The following PLEKHM3 variants were observed in gnomAD, a reference collection of about 807,000 sequenced individuals.
PLEKHM3 encodes pleckstrin homology domain containing M3.
Under a neutral mutation model 81.8 loss-of-function variants are expected in PLEKHM3, and 45 were observed. The observed-to-expected ratio is 0.55, with a 90% confidence interval of 0.43 to 0.71. PLEKHM3 has a LOEUF of 0.71. PLEKHM3 is among the 30% of genes least tolerant of loss of function. The pLI, the probability that PLEKHM3 is intolerant of heterozygous loss-of-function variation, is 0.00. For synonymous variants in PLEKHM3, 352 were observed against 356.4 expected (o/e 0.99, Z 0.14); for missense variants, 788 against 924.3 (o/e 0.85, Z 1.91).
At chr2:208,011,306 C>T (rs982701487) in intron 1 of PLEKHM3, among the ~76,000 whole-genome samples, 6 of 152,080 alleles carry the variant, frequency 3.9e-5, no homozygotes, top group Non-Finnish European at 8.8e-5. Flanking sequence ...TATCGTAGCA[C>T]AATTTGCAGC....
intron 6 of PLEKHM3, among the ~76,000 whole-genome samples, chr2:207,862,949 G>A (rs2092475337): frequency 6.6e-6 from 1 of 152,192 alleles, no homozygotes; most frequent in Non-Finnish European, 1.5e-5. Context: ...GCCAAGGCTA[G>A]GCTTTGGGTC....
intron 7 of PLEKHM3, among the ~76,000 whole-genome samples, chr2:207,839,840 T>C (rs995761858): frequency 6.6e-6 from 1 of 152,094 alleles, no homozygotes; most frequent in Non-Finnish European, 1.5e-5. Flanking sequence ...AGTAGGAAGA[T>C]TGCTTGAGAC....
intron 2 of PLEKHM3, 32 bp downstream of exon 2, chr2:208,000,998 A>G (rs1309229231): frequency 4.1e-6 from 6 of 1,460,488 alleles, no homozygotes; most frequent in Non-Finnish European, 5.4e-6. Flanking sequence ...GAAAAAAAAA[A>G]AAAAGGAAAT....
chr2:207,920,585 A>G (rs1689147688), intron 5 of PLEKHM3, among the ~76,000 whole-genome samples: 1 of 152,182 alleles, frequency 6.6e-6, no homozygotes, highest in African/African-American at 2.4e-5. Context: ...GAGAGAAAAA[A>G]AAATGTAGAA....
chr2:207,876,916 A>G (rs563443497), intron 6 of PLEKHM3, among the ~76,000 whole-genome samples: 11 of 152,314 alleles, frequency 7.2e-5, no homozygotes, highest in African/African-American at 2.6e-4. Context: ...CAGTATTGGT[A>G]TCAGATTTTT....
At chr2:207,890,497 G>T (rs6742548) in intron 6 of PLEKHM3, among the ~76,000 whole-genome samples, 3,614 of 152,168 alleles carry the variant, frequency 0.024, 137 homozygotes, top group African/African-American at 0.082. Context: ...ATGTGGTGGC[G>T]TGCACCTGTA....
intron 1 of PLEKHM3, among the ~76,000 whole-genome samples, chr2:208,014,969 G>A (rs1470158654): frequency 6.6e-6 from 1 of 152,178 alleles, no homozygotes; most frequent in East Asian, 1.9e-4. Context: ...CATTTTAAAG[G>A]TAGAATGATA....
intron 3 of PLEKHM3, among the ~76,000 whole-genome samples, chr2:207,951,230 A>G (rs181858366): frequency 3.9e-5 from 6 of 152,330 alleles, no homozygotes; most frequent in East Asian, 3.9e-4. Context: ...ATTTTTTTAG[A>G]GAGTGTCAAA....
chr2:207,966,505 T>A (rs1690912518), intron 3 of PLEKHM3, among the ~76,000 whole-genome samples: 1 of 152,238 alleles, frequency 6.6e-6, no homozygotes, highest in South Asian at 2.1e-4. Context: ...ATTTGCATGC[T>A]ACGGTTTTTA....
At chr2:207,860,521 A>G (rs1574344119) in intron 7 of PLEKHM3, among the ~76,000 whole-genome samples, 1 of 152,214 alleles carries the variant, frequency 6.6e-6, no homozygotes, top group East Asian at 1.9e-4. Flanking sequence ...AATATGTATC[A>G]TTTTGTGAAT....
intron 7 of PLEKHM3, among the ~76,000 whole-genome samples, chr2:207,853,034 C>T (rs377482880): frequency 5.9e-5 from 9 of 152,272 alleles, no homozygotes; most frequent in African/African-American, 1.9e-4. Flanking sequence ...TGCCTACTGG[C>T]CTGTCTGTCC....
intron 4 of PLEKHM3, among the ~76,000 whole-genome samples, chr2:207,934,519 G>A (rs1202352503): frequency 2.6e-5 from 4 of 152,150 alleles, no homozygotes; most frequent in Non-Finnish European, 4.4e-5. Context: ...AAACAGAACA[G>A]TTTAAGCTAT....
intron 4 of PLEKHM3, among the ~76,000 whole-genome samples, chr2:207,931,804 C>G (rs1352224045): frequency 1.3e-5 from 2 of 152,026 alleles, no homozygotes; most frequent in Admixed American, 6.6e-5. Flanking sequence ...GAAACCCCGT[C>G]TCTACTAAAA....
chr2:207,966,995 A>AT (rs1264849643), intron 3 of PLEKHM3, among the ~76,000 whole-genome samples: 2 of 150,814 alleles, frequency 1.3e-5, no homozygotes, highest in South Asian at 2.1e-4. Flanking sequence ...TTTTATTTTT[A>AT]TTTTTTTAGA....
At chr2:207,984,685 T>G (rs759744614) in intron 2 of PLEKHM3, among the ~76,000 whole-genome samples, 20 of 152,198 alleles carry the variant, frequency 1.3e-4, no homozygotes, top group Non-Finnish European at 1.9e-4. Context: ...CTGGGCACAT[T>G]TCTTTAATAT....
rs944416655 is a variant in PLEKHM3, at chr2:207,824,828, G to A, written c.*3491C>T. On this transcript the variant is annotated 3_prime_UTR_variant, in exon 8 of 8. Transcript: ENST00000427836. ...CTCACTGCAGCCGGAAGGAAGTCAC[G>A]GCATAGTCCCTTTTCAGGAGTCTGA... is the stretch of plus-strand genomic sequence containing the variant. The A allele has an allele frequency of 2.0e-5, 3 of 152,130 alleles. No individual in the cohort carries two copies. Among genetic ancestry groups the A allele is most frequent in the Non-Finnish European group, 4.4e-5 (3 of 68,040 alleles). 9.4% of individuals were successfully genotyped at this position (152,130 alleles called of 1,614,324 possible).
At chr2:208,006,153 T>G (rs1407129551) in intron 1 of PLEKHM3, among the ~76,000 whole-genome samples, 1 of 152,220 alleles carries the variant, frequency 6.6e-6, no homozygotes, top group Non-Finnish European at 1.5e-5. Context: ...GGCTCTGTTT[T>G]CCAACCTTAC....
chr2:207,909,339 C>T (rs1688739280), intron 5 of PLEKHM3, among the ~76,000 whole-genome samples: 1 of 151,954 alleles, frequency 6.6e-6, no homozygotes, highest in Non-Finnish European at 1.5e-5. Flanking sequence ...GAAAACAACA[C>T]ACACACAAAC....
At chr2:208,024,263 C>G (rs530215206) in intron 1 of PLEKHM3, among the ~76,000 whole-genome samples, 38 of 152,246 alleles carry the variant, frequency 2.5e-4, no homozygotes, top group African/African-American at 8.9e-4. Flanking sequence ...GCTAAGTAAA[C>G]TGCCCAAGAT....
Sources: gnomAD v4.1 joint callset for allele counts (sites outside exome capture counted in the v4.1 genomes callset) on GRCh38, gnomAD v4.1.1 for gene constraint, MANE v1.5 for transcripts, NCBI Gene and HGNC (gene_info 2026-07-23, HGNC 2026-07-21) for gene names.